The following SLC9C1 variants were observed in gnomAD, a reference collection of about 807,000 sequenced individuals.
SLC9C1 encodes the protein sodium/hydrogen exchanger 10.
A neutral mutation model predicts 140.9 loss-of-function variants in SLC9C1; 97 were observed. The ratio of observed to expected loss-of-function variants is 0.69; its 90% confidence interval spans 0.58 to 0.82. The LOEUF is 0.82. Among genes scored for constraint, SLC9C1 ranks in the 40% least tolerant of loss-of-function variants. The pLI, the probability that SLC9C1 is intolerant of heterozygous loss-of-function variation, is 0.00. For synonymous variants in SLC9C1, 440 were observed against 442.6 expected (o/e 0.99, Z 0.07); for missense variants, 1,340 against 1,389.3 (o/e 0.96, Z 0.56).
At chr3:112,209,158 C>T (rs893139648) in intron 15 of SLC9C1, among the ~76,000 whole-genome samples, 7 of 152,178 alleles carry the variant, frequency 4.6e-5, no homozygotes, top group Admixed American at 3.9e-4. Context: ...TTCTCATTCT[C>T]AAAGGTACAT....
At chr3:112,242,419 C>T (rs910889319) in intron 11 of SLC9C1, among the ~76,000 whole-genome samples, 1 of 152,008 alleles carries the variant, frequency 6.6e-6, no homozygotes, top group Non-Finnish European at 1.5e-5. Context: ...GTGAAATAAG[C>T]CAGGCACAGA....
intron 15 of SLC9C1, among the ~76,000 whole-genome samples, chr3:112,214,725 C>A (rs2078307274): frequency 6.6e-6 from 1 of 152,134 alleles, no homozygotes; most frequent in Non-Finnish European, 1.5e-5. Context: ...TAATAGCTTA[C>A]CAACCAAAAG....
chr3:112,171,180 C>T (rs564510506), intron 23 of SLC9C1, among the ~76,000 whole-genome samples: 1 of 151,932 alleles, frequency 6.6e-6, no homozygotes, highest in South Asian at 2.1e-4. Context: ...GGAGCCATTG[C>T]ACTCCAGCCT....
chr3:112,276,385 A>T (rs1414026354), intron 5 of SLC9C1, among the ~76,000 whole-genome samples: 5 of 150,930 alleles, frequency 3.3e-5, no homozygotes, highest in Non-Finnish European at 5.9e-5. Context: ...TATATGAAAA[A>T]ATATATATAT....
chr3:112,240,648 G>T (rs1027369767), intron 11 of SLC9C1, among the ~76,000 whole-genome samples: 5 of 152,146 alleles, frequency 3.3e-5, no homozygotes, highest in Non-Finnish European at 7.4e-5. Context: ...TGTACCATTG[G>T]CTCTTGGTTC....
chr3:112,285,053 C>G (rs1288466331), intron 2 of SLC9C1, among the ~76,000 whole-genome samples: 2 of 123,254 alleles, frequency 1.6e-5, no homozygotes, highest in African/African-American at 6.3e-5. Context: ...GTGGCATGAT[C>G]TCGGCTCACT....
At chr3:112,256,226 A>T (rs1306226831) in intron 10 of SLC9C1, among the ~76,000 whole-genome samples, 2 of 152,206 alleles carry the variant, frequency 1.3e-5, no homozygotes, top group Non-Finnish European at 2.9e-5. Flanking sequence ...AAATCATTCT[A>T]TGAGGCTAGC....
chr3:112,289,990 A>C (rs2080630467), intron 1 of SLC9C1, among the ~76,000 whole-genome samples: 1 of 152,172 alleles, frequency 6.6e-6, no homozygotes, highest in Admixed American at 6.5e-5. Context: ...TGGGAACTCT[A>C]AAAGCTTTCC....
At chr3:112,267,802 A>G (rs1044544635) in intron 7 of SLC9C1, among the ~76,000 whole-genome samples, 18 of 152,240 alleles carry the variant, frequency 1.2e-4, no homozygotes, top group African/African-American at 4.1e-4. Context: ...TTGTTGAATC[A>G]TGAAAGAAGA....
intron 20 of SLC9C1, among the ~76,000 whole-genome samples, chr3:112,192,016 A>G (rs2077671706): frequency 6.6e-6 from 1 of 150,998 alleles, no homozygotes; most frequent in Non-Finnish European, 1.5e-5. Context: ...GATTTATAGC[A>G]TGTCTTAATA....
At chr3:112,185,264 TA>T (rs2077511111) in intron 20 of SLC9C1, among the ~76,000 whole-genome samples, 1 of 150,332 alleles carries the variant, frequency 6.7e-6, no homozygotes, top group Non-Finnish European at 1.5e-5. Context: ...GGATAAAACA[TA>T]ATCATATCAC....
At chr3:112,238,897 A>G (rs6778292) in intron 12 of SLC9C1, among the ~76,000 whole-genome samples, 89,812 of 152,122 alleles carry the variant, frequency 0.59, 27,041 homozygotes, top group East Asian at 0.79. Context: ...TAGGCTATTC[A>G]GGGGTCAGGG....
At chr3:112,208,103 GT>G in intron 16 of SLC9C1, 74 bp downstream of exon 16, 3 of 1,157,598 alleles carry the variant, frequency 2.6e-6, no homozygotes, top group Non-Finnish European at 3.6e-6. Context: ...TCTGTTGCTG[GT>G]GTTGAAAAAC....
Position 112,225,296 on chromosome 3 carries a change from A to G in SLC9C1, c.1573-4071T>C, listed in dbSNP as rs1196518558. 2.6e-5 allele frequency among the ~76,000 whole-genome samples: 4 copies of G among 152,192 alleles called. No homozygotes were observed. The East Asian group carries it at 5.8e-4, about 22-fold the overall frequency. ...ACTATATCCAGAAAAGCTATCCTTC[A>G]GAAATCAAGTGTTTCCCTGACAAGT... On this transcript the variant is annotated intron_variant, in intron 13 of 28. Transcript: ENST00000305815.
At chr3:112,212,374 G>T (rs1485757340) in intron 15 of SLC9C1, among the ~76,000 whole-genome samples, 1 of 152,220 alleles carries the variant, frequency 6.6e-6, no homozygotes, top group Non-Finnish European at 1.5e-5. Flanking sequence ...TTGATGAGTT[G>T]AGAGAAGAAG....
intron 15 of SLC9C1, among the ~76,000 whole-genome samples, chr3:112,211,492 C>G (rs1235356360): frequency 6.6e-6 from 1 of 152,182 alleles, no homozygotes; most frequent in Non-Finnish European, 1.5e-5. Context: ...TCTGGAAAAT[C>G]GGGTCACTCC....
At chr3:112,150,838 ATATT>A (rs1343779837) in intron 28 of SLC9C1, among the ~76,000 whole-genome samples, 20 of 58,092 alleles carry the variant, frequency 3.4e-4, no homozygotes, top group African/African-American at 1.2e-3. Flanking sequence ...ATATATATAT[ATATT>A]TTTTTTTTTT....
chr3:112,192,171 T>C (rs1258783682), intron 20 of SLC9C1, among the ~76,000 whole-genome samples: 2 of 152,150 alleles, frequency 1.3e-5, no homozygotes, highest in African/African-American at 4.8e-5. Flanking sequence ...AGTACATTCA[T>C]ACTGTTGCTT....
At chr3:112,181,209 A>T (rs1019328894) in intron 21 of SLC9C1, among the ~76,000 whole-genome samples, 15 of 152,218 alleles carry the variant, frequency 9.9e-5, no homozygotes, top group Non-Finnish European at 2.2e-4. Context: ...GCAATTTTAG[A>T]TAGGGTATTT....
Sources: gnomAD v4.1 joint callset for allele counts (sites outside exome capture counted in the v4.1 genomes callset) on GRCh38, gnomAD v4.1.1 for gene constraint, MANE v1.5 for transcripts, NCBI Gene and HGNC (gene_info 2026-07-23, HGNC 2026-07-21) for gene names.